The following GPATCH8 variants were observed in gnomAD, a reference collection of about 807,000 sequenced individuals.
GPATCH8 encodes the protein G-patch domain containing 8.
A neutral mutation model predicts 118.3 loss-of-function variants in GPATCH8; 18 were observed. The ratio of observed to expected loss-of-function variants is 0.15; its 90% CI spans 0.11 to 0.23. GPATCH8 has a LOEUF of 0.23. Ranked by LOEUF, GPATCH8 falls within the 10% of genes least tolerant of loss-of-function variation. The probability of loss-of-function intolerance (pLI) is 1.00; values close to 1 mark genes in which losing one functional copy is unlikely to be tolerated. For missense variants in GPATCH8, 1,631 were observed against 1,873.8 expected (o/e 0.87, Z 2.39); for synonymous variants, 659 against 684.7 (o/e 0.96, Z 0.59).
At position 44,435,273 on chromosome 17, in the gene GPATCH8, G is replaced by T. The variant is rs561921011; in HGVS notation, c.262-122C>A. On this transcript the variant is annotated intron_variant, in intron 4 of 7. Transcript: ENST00000591680. ...CAAAAAAAAATTGTAATTTTGCTTA[G>T]CTACTGCTTGCTTTATTGTCACCTC... 4.9e-4 allele frequency: 332 copies of T among 677,738 alleles called. 9 individuals carry two copies. The highest frequency in any genetic ancestry group is 4.5e-3 in the South Asian group (277 of 62,202). The allele number at this position is 677,738 out of a possible 1,614,324, so 42.0% of individuals were successfully genotyped here.
intron 3 of GPATCH8, among the ~76,000 whole-genome samples, chr17:44,438,936 C>A (rs966086359): frequency 6.6e-6 from 1 of 152,144 alleles, no homozygotes; most frequent in African/African-American, 2.4e-5. Flanking sequence ...ACATGAACAA[C>A]ACCCTCTTCA....
intron 6 of GPATCH8, among the ~76,000 whole-genome samples, chr17:44,413,321 A>T (rs2049519195): frequency 6.6e-6 from 1 of 152,158 alleles, no homozygotes; most frequent in Non-Finnish European, 1.5e-5. Context: ...CCCAGGATGG[A>T]GTACAGTGGC....
At position 44,396,922 on chromosome 17, in the gene GPATCH8, C is replaced by T. The variant is rs1402736478; in HGVS notation, c.*646G>A. ...TTTCTGGGATATGGAGATGCCTCTT[C>T]TGGGATGAGGGATACCAAGATAACA... On this transcript the variant is annotated 3_prime_UTR_variant, in exon 8 of 8. Transcript: ENST00000591680. The T allele has an allele frequency of 6.6e-6, 3 of 454,030 alleles. No individual in the cohort carries two copies. The highest frequency in any genetic ancestry group is 1.3e-5 in the Non-Finnish European group (3 of 226,802). 28.1% of individuals were successfully genotyped at this position (454,030 alleles called of 1,614,324 possible).
At chr17:44,474,984 T>G in intron 1 of GPATCH8, 81 bp from the exon 2 acceptor site, 1 of 735,488 alleles carries the variant, frequency 1.4e-6, no homozygotes, top group Non-Finnish European at 2.4e-6. Flanking sequence ...CTAAGGATTA[T>G]TTTTAACTTT....
At chr17:44,486,668 T>C (rs553108088) in intron 1 of GPATCH8, 1 of 152,318 alleles carries the variant, frequency 6.6e-6, no homozygotes, top group African/African-American at 2.4e-5. Context: ...AAATGGGTAT[T>C]GTTAAAAGTT....
intron 1 of GPATCH8, among the ~76,000 whole-genome samples, chr17:44,479,904 T>C (rs910767078): frequency 1.3e-5 from 2 of 151,120 alleles, no homozygotes; most frequent in African/African-American, 4.9e-5. Context: ...GAGGCAGAGG[T>C]TGCAGTGAGC....
intron 1 of GPATCH8, among the ~76,000 whole-genome samples, chr17:44,475,419 C>T (rs1967675300): frequency 6.9e-6 from 1 of 144,214 alleles, no homozygotes. Flanking sequence ...TTATAAAAGG[C>T]CGGGCGCGGT....
chr17:44,420,380 A>G (rs1039662573), intron 6 of GPATCH8, among the ~76,000 whole-genome samples: 1 of 152,218 alleles, frequency 6.6e-6, no homozygotes, highest in Non-Finnish European at 1.5e-5. Flanking sequence ...AAAGTTTTTA[A>G]TTAATTCTGA....
rs747059872 is a variant in GPATCH8, at chr17:44,398,340, T to G, written c.3737A>C (p.Asp1246Ala). 1.2e-6 allele frequency: 2 copies of G among 1,613,842 alleles called. No individual in the cohort carries two copies. The highest frequency in any genetic ancestry group is 1.3e-5 in the African/African-American group (1 of 74,940). ...DPTISHNYLP[D>A]PSDGDTLESL... ...CTCCAGGGTGTCCCCATCACTGGGG[T>G]CGGGGAGGTAGTTATGGGAGATGGT... The change falls in exon 8 of 8, where the codon GAC (aspartate) becomes GCC (alanine). Residue 1246 changes from aspartate (D) to alanine (A), a missense_variant. By Grantham distance (126) the Asp-to-Ala change is moderately radical (BLOSUM62 -2). Coordinates refer to ENST00000591680, the MANE Select transcript of GPATCH8 (RefSeq NM_001002909.4).
intron 1 of GPATCH8, among the ~76,000 whole-genome samples, chr17:44,480,556 A>C (rs1187100267): frequency 6.6e-6 from 1 of 151,860 alleles, no homozygotes; most frequent in African/African-American, 2.4e-5. Flanking sequence ...TCTCTACTAA[A>C]ATAAAAATAA....
Position 44,399,737 on chromosome 17 carries a change from G to A in GPATCH8, c.2340C>T (p.Asp780=). 1 of 1,614,004 alleles carries A rather than the reference G, an allele frequency of 6.2e-7. No homozygotes were observed. The highest frequency in any genetic ancestry group is 8.5e-7 in the Non-Finnish European group (1 of 1,180,004). The change falls in exon 8 of 8, where the codon GAC becomes GAT. Residue 780 remains aspartate (D), a synonymous_variant. Transcript: ENST00000591680. The stretch of plus-strand genomic sequence containing the variant: ...CACCTTTGTGTTTCCTCCCACCATG[G>A]TCTTGGGAGCTGCTACCACCCCCAC... The part of the protein sequence containing the change: ...DEGGGGSSSQ[D]HGGRKHKGEL...
intron 5 of GPATCH8, among the ~76,000 whole-genome samples, chr17:44,428,891 C>T (rs1171583679): frequency 1.3e-5 from 2 of 152,228 alleles, no homozygotes; most frequent in African/African-American, 4.8e-5. Context: ...CCTGTAATCC[C>T]AGCACTGTGG....
intron 5 of GPATCH8, among the ~76,000 whole-genome samples, chr17:44,425,818 C>G (rs946853114): frequency 1.5e-4 from 23 of 152,158 alleles, no homozygotes; most frequent in African/African-American, 5.6e-4. Context: ...TGTCAGCCCC[C>G]ACACCTGGCT....
rs114233469 is a variant in GPATCH8, at chr17:44,434,372, C to T, written c.348+693G>A. 4.1e-3 allele frequency among the ~76,000 whole-genome samples: 625 copies of T among 152,020 alleles called. 3 individuals are homozygous for T. Among genetic ancestry groups the T allele is most frequent in the African/African-American group, 0.014 (584 of 41,494 alleles). On this transcript the variant is annotated intron_variant, in intron 5 of 7. Coordinates refer to ENST00000591680, the MANE Select transcript of GPATCH8 (RefSeq NM_001002909.4). ...TATTATAGTTCTGGATAAAATAAAA[C>T]ACACAAAAATTTAATATATAGCTAA...
At position 44,398,825 on chromosome 17, in the gene GPATCH8, G is replaced by C. The variant is rs1453661981; in HGVS notation, c.3252C>G (p.Asp1084Glu). Residue 1084 changes from aspartate to glutamate, a missense_variant, in exon 8 of 8, where the codon GAC (aspartate) becomes GAG (glutamate). Asp to Glu is a conservative substitution (Grantham distance 45, BLOSUM62 2). Coordinates refer to ENST00000591680, the MANE Select transcript of GPATCH8 (RefSeq NM_001002909.4). ...GCAGTTTGGCAGTGACAGAGTTCTTGTCTTCAGGACTGCAGTCACCTTCTG... is the reference window on the plus strand; with the variant it reads ...GCAGTTTGGCAGTGACAGAGTTCTTCTCTTCAGGACTGCAGTCACCTTCTG... ...RGSEGDCSPE[D>E]KNSVTAKLLL... 2.5e-6 allele frequency: 4 copies of C among 1,613,992 alleles called. No individual in the cohort carries two copies. The highest frequency in any genetic ancestry group is 1.6e-4 in the Middle Eastern group (1 of 6,062).
intron 5 of GPATCH8, 81 bp from the exon 6 acceptor site, chr17:44,424,573 T>C (rs1341043900): frequency 6.7e-6 from 7 of 1,050,330 alleles, no homozygotes; most frequent in East Asian, 2.4e-5. Flanking sequence ...AAACAGTCTA[T>C]CTGAGAAGAC....
chr17:44,448,447 C>G (rs1194129182), intron 3 of GPATCH8, among the ~76,000 whole-genome samples: 1 of 126,748 alleles, frequency 7.9e-6, no homozygotes, highest in African/African-American at 3.1e-5. Context: ...ATATTCCCAG[C>G]TACAGCTACA....
At chr17:44,498,456 C>G (rs1413341100) in intron 1 of GPATCH8, among the ~76,000 whole-genome samples, 1 of 152,186 alleles carries the variant, frequency 6.6e-6, no homozygotes, top group Non-Finnish European at 1.5e-5. Context: ...ATATGTCCCA[C>G]ATTTGAAAAG....
chr17:44,456,198 C>T (rs2051324959), intron 3 of GPATCH8, among the ~76,000 whole-genome samples: 1 of 152,140 alleles, frequency 6.6e-6, no homozygotes, highest in Non-Finnish European at 1.5e-5. Context: ...CTATAACCTC[C>T]AACACTAGGT....
Sources: allele counts gnomAD v4.1 joint callset (sites outside exome capture counted in the v4.1 genomes callset), GRCh38; gene constraint gnomAD v4.1.1; transcripts MANE v1.5; gene names NCBI Gene and HGNC (gene_info 2026-07-23, HGNC 2026-07-21).